Variants in CFAP251 observed in about 807,000 individuals in gnomAD.
CFAP251 encodes cilia and flagella associated protein 251, also known as cilia- and flagella-associated protein 251.
CFAP251 carries 93 observed loss-of-function variants against 126.7 expected under a neutral mutation model. That is an observed-to-expected ratio of 0.73 (90% CI 0.62 to 0.87). The LOEUF (loss-of-function observed/expected upper bound fraction) is 0.87, where lower values mean the gene tolerates loss of function less well. Among genes scored for constraint, CFAP251 ranks in the 40% least tolerant of loss-of-function variants. The pLI is 0.00. For synonymous variants in CFAP251, 503 were observed against 506.9 expected (o/e 0.99, Z 0.10); for missense variants, 1,287 against 1,389.2 (o/e 0.93, Z 1.17).
intron 1 of CFAP251, among the ~76,000 whole-genome samples, chr12:121,920,548 C>T (rs183322991): frequency 9.4e-4 from 143 of 152,110 alleles, no homozygotes; most frequent in African/African-American, 3.4e-3. Context: ...AGGCGCCCAC[C>T]GCCAAGCCCG....
intron 3 of CFAP251, among the ~76,000 whole-genome samples, chr12:121,926,088 A>C (rs576598740): frequency 1.7e-5 from 2 of 119,966 alleles, no homozygotes; most frequent in African/African-American, 3.3e-5. Context: ...GATGGTCTTG[A>C]TCTCCTGACC....
chr12:121,952,703 C>T (rs1881577818), intron 9 of CFAP251: 1 of 152,254 alleles, frequency 6.6e-6, no homozygotes, highest in South Asian at 2.1e-4. Flanking sequence ...GAGTTTTCTG[C>T]ATACTTGCTT....
In CFAP251 at chr12:121,960,631, G is replaced by C. The variant is rs1881899872; in HGVS notation, c.2180G>C (p.Gly727Ala). 6.2e-7 allele frequency: 1 copy of C among 1,614,026 alleles called. No homozygotes were observed. The highest frequency in any genetic ancestry group is 1.3e-5 in the African/African-American group (1 of 74,932). ...GTTTACATGCTGGTGGTCAGAAATGGACAGAGGGTCTGGGAGTACTTAGCA... is the reference window on the plus strand; with the variant it reads ...GTTTACATGCTGGTGGTCAGAAATGCACAGAGGGTCTGGGAGTACTTAGCA... ...VAVYMLVVRN[G>A]QRVWEYLARL... Residue 727 changes from glycine to alanine, a missense_variant, in exon 14 of 22, where the codon GGA becomes GCA. Coordinates refer to ENST00000288912, the MANE Select transcript of CFAP251 (RefSeq NM_144668.6).
intron 13 of CFAP251, among the ~76,000 whole-genome samples, chr12:121,959,948 A>ACCC (rs141216602): frequency 7.3e-6 from 1 of 136,664 alleles, no homozygotes; most frequent in Non-Finnish European, 1.7e-5. Flanking sequence ...ACATGGTGAG[A>ACCC]CACCCCCCAT....
In CFAP251 at chr12:121,978,838, C is replaced by T. The variant is rs552363955; in HGVS notation, c.3006+3153C>T. Among the ~76,000 whole-genome samples, 5 of 152,314 alleles carry T rather than the reference C, an allele frequency of 3.3e-5. No homozygotes were observed. In the South Asian group the frequency reaches 1.0e-3, roughly 32 times the overall value. On this transcript the variant is annotated intron_variant, in intron 19 of 21. Coordinates refer to ENST00000288912, the MANE Select transcript of CFAP251 (RefSeq NM_144668.6). ...TCAGAGACACAGCTGTGTGGAGCAT[C>T]TCTGTGCATGGTTTTTGCACACTTC...
intron 15 of CFAP251, among the ~76,000 whole-genome samples, chr12:121,962,834 G>A (rs1007331089): frequency 3.3e-5 from 5 of 152,180 alleles, no homozygotes; most frequent in Non-Finnish European, 7.3e-5. Flanking sequence ...GCTGCTGTGC[G>A]GTTGGAGGAA....
At chr12:121,979,581 T>TTTTTTTTTTG (rs1882566288) in intron 19 of CFAP251, among the ~76,000 whole-genome samples, 1 of 147,432 alleles carries the variant, frequency 6.8e-6, no homozygotes, top group Admixed American at 6.8e-5. Context: ...TTTTTTTTTT[T>TTTTTTTTTTG]TGAGACAGCA....
chr12:121,945,590 G>A (rs927509790), intron 7 of CFAP251, among the ~76,000 whole-genome samples: 6 of 151,584 alleles, frequency 4.0e-5, no homozygotes, highest in East Asian at 1.9e-4. Flanking sequence ...TGATCCGCCC[G>A]CCTTGGCCTC....
chr12:121,936,695 G>T (rs547286262), intron 5 of CFAP251, among the ~76,000 whole-genome samples: 19 of 152,184 alleles, frequency 1.2e-4, no homozygotes, highest in Admixed American at 1.2e-3. Flanking sequence ...ATGCAGTAGA[G>T]GTCCACCAAA....
chr12:121,986,898 T>C (rs1882763157), intron 19 of CFAP251, among the ~76,000 whole-genome samples: 1 of 152,196 alleles, frequency 6.6e-6, no homozygotes, highest in Admixed American at 6.5e-5. Flanking sequence ...TACATTTCTG[T>C]ACTATTTAAG....
At chr12:121,977,900 A>G (rs1223807494) in intron 19 of CFAP251, among the ~76,000 whole-genome samples, 1 of 151,212 alleles carries the variant, frequency 6.6e-6, no homozygotes, top group Non-Finnish European at 1.5e-5. Context: ...CGGAGCTTGT[A>G]GTGAGCCGAG....
chr12:121,968,963 T>C, intron 17 of CFAP251: 1 of 985,322 alleles, frequency 1.0e-6, no homozygotes, highest in Non-Finnish European at 1.2e-6. Context: ...TCTACCCAAA[T>C]CCGGCATGCT....
rs556933458 is a variant in CFAP251 at position 121,931,804 on chromosome 12, A to C, written c.806A>C (p.Glu269Ala). Residue 269 changes from glutamate (E) to alanine (A), a missense_variant, in exon 4 of 22, where the codon GAA (glutamate) becomes GCA (alanine). Physicochemically the swap from Glu to Ala is moderately radical, Grantham distance 107. Transcript: ENST00000288912. ...CTTCCTGTTTACTATATTCGAGAGG[A>C]AAGGCAGAGAGTTCTTCTGTATGTT... ...SSLPVYYIRE[E>A]RQRVLLYVCA... is the part of the protein sequence containing the mutation. 6.2e-6 allele frequency: 10 copies of C among 1,605,060 alleles called. No homozygotes were observed. In the African/African-American group the frequency reaches 1.3e-4, roughly 22 times the overall value.
intron 19 of CFAP251, among the ~76,000 whole-genome samples, chr12:121,978,128 C>T (rs1882515145): frequency 6.6e-6 from 1 of 151,404 alleles, no homozygotes; most frequent in Non-Finnish European, 1.5e-5. Context: ...CGCGGTGGCT[C>T]ACGCCTGTAA....
In CFAP251 at chr12:121,954,229, G is replaced by A. The variant is rs553974100; in HGVS notation, c.1430G>A (p.Arg477His). ...EGKLVVWDIH[R>H]PPSSASTFLG... ...AAGCTGGTTGTCTGGGACATACACC[G>A]CCCACCCTCATCTGCCTCCACCTTT... is the stretch of plus-strand genomic sequence containing the variant. Residue 477 changes from arginine (R) to histidine (H), a missense_variant, in exon 10 of 22, where the codon CGC (arginine) becomes CAC (histidine). Physicochemically the swap from Arg to His is conservative, Grantham distance 29 (BLOSUM62 0). Coordinates refer to ENST00000288912, the MANE Select transcript of CFAP251 (RefSeq NM_144668.6). 40 of 1,614,022 alleles carry A rather than the reference G, an allele frequency of 2.5e-5. No homozygotes were observed. Among genetic ancestry groups the A allele is most frequent in the Middle Eastern group, 1.7e-4 (1 of 6,060 alleles).
intron 19 of CFAP251, among the ~76,000 whole-genome samples, chr12:121,985,397 G>A (rs1039996191): frequency 2.0e-5 from 3 of 151,968 alleles, no homozygotes; most frequent in African/African-American, 7.2e-5. Context: ...AGCTGGGCAT[G>A]GTGGTGCATG....
chr12:121,924,426 C>CTTT (rs59759704), intron 3 of CFAP251, among the ~76,000 whole-genome samples: 11 of 90,286 alleles, frequency 1.2e-4, no homozygotes, highest in African/African-American at 5.1e-4. Context: ...AGACTTGTGT[C>CTTT]TTTTTTTTTT....
At chr12:121,961,898 C>G in intron 14 of CFAP251, 80 bp from the exon 15 acceptor site, 1 of 1,412,102 alleles carries the variant, frequency 7.1e-7, no homozygotes, top group Non-Finnish European at 9.7e-7. Context: ...TAAAGGCTGT[C>G]ACCCAAGAGC....
intron 19 of CFAP251, among the ~76,000 whole-genome samples, chr12:121,994,908 G>A (rs1882989301): frequency 6.8e-6 from 1 of 146,160 alleles, no homozygotes; most frequent in Non-Finnish European, 1.5e-5. Context: ...ATTGTCCCAT[G>A]ACCCTGCCAA....
Sources: gnomAD v4.1 joint callset for allele counts (sites outside exome capture counted in the v4.1 genomes callset) on GRCh38, gnomAD v4.1.1 for gene constraint, MANE v1.5 for transcripts, NCBI Gene and HGNC (gene_info 2026-07-23, HGNC 2026-07-21) for gene names.